Variants in ANKIB1 observed in about 807,000 individuals in gnomAD.
The protein encoded by ANKIB1 is ankyrin repeat and IBR domain-containing protein 1.
Under a neutral mutation model 122.1 loss-of-function variants are expected in ANKIB1, and 43 were observed. That is an observed-to-expected ratio of 0.35 (90% confidence interval 0.28 to 0.45). The LOEUF (loss-of-function observed/expected upper bound fraction) is 0.45, where lower values mean the gene tolerates loss of function less well. Ranked by LOEUF, ANKIB1 falls within the 20% of genes least tolerant of loss-of-function variation. ANKIB1 has a pLI of 1.00. For synonymous variants in ANKIB1, 390 were observed against 442.0 expected (o/e 0.88, Z 1.48); for missense variants, 992 against 1,329.5 (o/e 0.75, Z 3.95).
chr7:92,337,092 A>C (rs1049811131), intron 5 of ANKIB1, among the ~76,000 whole-genome samples: 2 of 152,202 alleles, frequency 1.3e-5, no homozygotes, highest in African/African-American at 2.4e-5. Flanking sequence ...TAGCACTCCT[A>C]TGTAACATTA....
chr7:92,248,070 T>C (rs1165624701), intron 1 of ANKIB1, among the ~76,000 whole-genome samples: 1 of 152,200 alleles, frequency 6.6e-6, no homozygotes, highest in Admixed American at 6.5e-5. Flanking sequence ...GTGTGGCTTT[T>C]GCTTTCTGTA....
chr7:92,366,085 G>A (rs1585128107), intron 10 of ANKIB1, among the ~76,000 whole-genome samples: 2 of 152,162 alleles, frequency 1.3e-5, no homozygotes, highest in South Asian at 2.1e-4. Context: ...ATAATCTTAA[G>A]TAGTAAATCT....
intron 5 of ANKIB1, among the ~76,000 whole-genome samples, chr7:92,336,196 C>A (rs1380276952): frequency 6.6e-6 from 1 of 151,990 alleles, no homozygotes; most frequent in African/African-American, 2.4e-5. Context: ...CAGATTGGAT[C>A]ATTTCTGTCT....
At chr7:92,259,305 C>T (rs928194685) in intron 1 of ANKIB1, among the ~76,000 whole-genome samples, 6 of 152,250 alleles carry the variant, frequency 3.9e-5, no homozygotes, top group African/African-American at 7.2e-5. Context: ...CGTGCCAGGT[C>T]GTAACCTAAA....
chr7:92,362,273 C>A lies in ANKIB1; in HGVS notation c.1486C>A (p.Leu496Ile), dbSNP rs748799440. 1 of 1,581,930 alleles carries A rather than the reference C, an allele frequency of 6.3e-7. No homozygotes were observed. The highest frequency in any genetic ancestry group is 8.6e-7 in the Non-Finnish European group (1 of 1,163,214). ...AATAACCGAAATGAAACCAGAAGAA[C>A]GTAAGAGGAATTTTAGATAGCTTTG... ...QKITEMKPEE[L>I]VGVSEAYEDA... Residue 496 changes from leucine (L) to isoleucine (I), a missense_variant and splice_region_variant, in exon 10 of 20, where the codon CTT becomes ATT. This residue lies in a region of ANKIB1 where 521 missense variants were observed against 777.7 expected (regional missense o/e 0.67). Coordinates refer to ENST00000265742, the MANE Select transcript of ANKIB1 (RefSeq NM_019004.2).
At chr7:92,338,931 AAAATATATATATATATATATATAT>A (rs1348451713) in intron 5 of ANKIB1, among the ~76,000 whole-genome samples, 1 of 31,422 alleles carries the variant, frequency 3.2e-5, no homozygotes, top group East Asian at 7.5e-4. Flanking sequence ...AAAAAAAAAA[AAAATATATATATATATATATATAT>A]ATATATATAT....
At chr7:92,311,156 G>A (rs1585101308) in intron 3 of ANKIB1, among the ~76,000 whole-genome samples, 1 of 152,150 alleles carries the variant, frequency 6.6e-6, no homozygotes, top group East Asian at 1.9e-4. Context: ...GATGTTTATA[G>A]TGCTCATTGG....
chr7:92,265,130 A>G (rs954157154), intron 1 of ANKIB1, among the ~76,000 whole-genome samples: 1 of 152,070 alleles, frequency 6.6e-6, no homozygotes, highest in Non-Finnish European at 1.5e-5. Flanking sequence ...TGTGTGTACC[A>G]CTATACCTGG....
At chr7:92,306,103 C>T (rs1011882236) in intron 2 of ANKIB1, among the ~76,000 whole-genome samples, 2 of 128,192 alleles carry the variant, frequency 1.6e-5, no homozygotes, top group African/African-American at 5.8e-5. Flanking sequence ...TCTTCTATAA[C>T]ATCCCAGATT....
chr7:92,277,428 A>G (rs62467799), intron 1 of ANKIB1, among the ~76,000 whole-genome samples: 15,461 of 152,228 alleles, frequency 0.1, 984 homozygotes, highest in Middle Eastern at 0.22. Context: ...TTATTCAGAT[A>G]TAACCCCATC....
chr7:92,363,995 T>C (rs1163283832), intron 10 of ANKIB1, among the ~76,000 whole-genome samples: 3 of 152,130 alleles, frequency 2.0e-5, no homozygotes, highest in African/African-American at 7.2e-5. Flanking sequence ...TCTTGTCCTG[T>C]TCATGCACCG....
At chr7:92,317,052 A>G (rs1320462073) in intron 3 of ANKIB1, among the ~76,000 whole-genome samples, 2 of 152,228 alleles carry the variant, frequency 1.3e-5, no homozygotes, top group African/African-American at 4.8e-5. Flanking sequence ...TGCAGCAGTC[A>G]GGAGCAGATA....
chr7:92,282,423 C>T (rs1336164742), intron 1 of ANKIB1, among the ~76,000 whole-genome samples: 6 of 152,186 alleles, frequency 3.9e-5, no homozygotes, highest in Non-Finnish European at 7.3e-5. Context: ...AGATAACAGG[C>T]ATGAGCCACC....
chr7:92,252,250 C>T (rs1301068608), intron 1 of ANKIB1, among the ~76,000 whole-genome samples: 1 of 150,940 alleles, frequency 6.6e-6, no homozygotes, highest in Non-Finnish European at 1.5e-5. Context: ...TTCTCATCAA[C>T]CCTCCACTCA....
At chr7:92,315,094 AT>A (rs1232870735) in intron 3 of ANKIB1, among the ~76,000 whole-genome samples, 1 of 152,214 alleles carries the variant, frequency 6.6e-6, no homozygotes, top group Non-Finnish European at 1.5e-5. Context: ...ATTTGTGTAC[AT>A]TCTCTATACC....
chr7:92,344,187 T>G (rs1803488459), intron 6 of ANKIB1, among the ~76,000 whole-genome samples: 1 of 141,136 alleles, frequency 7.1e-6, no homozygotes, highest in Non-Finnish European at 1.5e-5. Context: ...TTGTTTTGTG[T>G]TTTTGGTTTT....
intron 10 of ANKIB1, among the ~76,000 whole-genome samples, chr7:92,366,465 A>G (rs1157741924): frequency 5.9e-5 from 9 of 152,174 alleles, no homozygotes; most frequent in Admixed American, 5.2e-4. Context: ...AAAGGTTCCA[A>G]CTGTAAGAAC....
At chr7:92,257,181 T>C (rs1228509745) in intron 1 of ANKIB1, among the ~76,000 whole-genome samples, 1 of 149,236 alleles carries the variant, frequency 6.7e-6, no homozygotes, top group Non-Finnish European at 1.5e-5. Flanking sequence ...AGCAAGACTC[T>C]GTCTCGAAAA....
chr7:92,311,904 G>A (rs918641337), intron 3 of ANKIB1, among the ~76,000 whole-genome samples: 8 of 152,014 alleles, frequency 5.3e-5, no homozygotes, highest in Non-Finnish European at 1.0e-4. Context: ...TGACTTCCTC[G>A]TATGGATATC....
Sources: allele counts gnomAD v4.1 joint callset (sites outside exome capture counted in the v4.1 genomes callset), GRCh38; gene constraint gnomAD v4.1.1; regional missense constraint gnomAD v4.1.1; transcripts MANE v1.5; gene names NCBI Gene and HGNC (gene_info 2026-07-23, HGNC 2026-07-21).